PRKCA: variants seen among roughly 807,000 people sequenced by gnomAD.
PRKCA encodes protein kinase C alpha, also known as protein kinase C alpha type.
Under a neutral mutation model 87.0 loss-of-function variants are expected in PRKCA, and 27 were observed. That is an observed-to-expected ratio of 0.31 (90% CI 0.23 to 0.43). The LOEUF (loss-of-function observed/expected upper bound fraction) is 0.43, where lower values mean the gene tolerates loss of function less well. PRKCA is among the 20% of genes least tolerant of loss of function. PRKCA has a pLI of 1.00. For missense variants in PRKCA, 518 were observed against 852.3 expected, an observed-to-expected ratio of 0.61 and a Z score of 4.88; for synonymous variants, 329 against 311.1, an observed-to-expected ratio of 1.06 and a Z score of -0.61.
Position 66,711,057 on chromosome 17 carries a change from AAAAT to A in PRKCA, c.919-21611_919-21608del, listed in dbSNP as rs922998446. On this transcript the variant is annotated intron_variant, in intron 8 of 16. Transcript: ENST00000413366. ...GACTCCATCTCAAAAATAAATAAAT[AAAAT>A]AAATAAATAAATAAATAAAATTTTA... Among the ~76,000 whole-genome samples the A allele has an allele frequency of 8.0e-4, 122 of 151,844 alleles. 1 individual carries two copies. Among genetic ancestry groups the A allele is most frequent in the South Asian group, 1.5e-3 (7 of 4,818 alleles).
intron 8 of PRKCA, among the ~76,000 whole-genome samples, chr17:66,726,576 C>T (rs1263558635): frequency 6.6e-6 from 1 of 152,074 alleles, no homozygotes; most frequent in Non-Finnish European, 1.5e-5. Context: ...TGGGAGCTTG[C>T]GGCAGGCTGG....
intron 3 of PRKCA, among the ~76,000 whole-genome samples, chr17:66,557,211 T>C (rs1325276308): frequency 6.6e-6 from 1 of 152,192 alleles, no homozygotes; most frequent in Non-Finnish European, 1.5e-5. Flanking sequence ...TTATCTACAG[T>C]GTTTCTGATT....
chr17:66,323,011 T>A (rs1905773212), intron 2 of PRKCA, among the ~76,000 whole-genome samples: 1 of 152,238 alleles, frequency 6.6e-6, no homozygotes, highest in African/African-American at 2.4e-5. Context: ...GGCTTCCTCA[T>A]GCTTTTTAGT....
At chr17:66,395,816 A>G (rs1417684048) in intron 2 of PRKCA, among the ~76,000 whole-genome samples, 3 of 152,140 alleles carry the variant, frequency 2.0e-5, no homozygotes, top group Non-Finnish European at 4.4e-5. Context: ...GACGGTGGAG[A>G]GAGATCCTTA....
intron 2 of PRKCA, among the ~76,000 whole-genome samples, chr17:66,489,352 CATATATATATATATAT>C (rs10529618): frequency 0.063 from 6,274 of 98,968 alleles, 265 homozygotes; most frequent in South Asian, 0.11. Flanking sequence ...CTTAGCAGTG[CATATATATATATATAT>C]ATATATATAT....
At chr17:66,372,156 C>A (rs1043193367) in intron 2 of PRKCA, among the ~76,000 whole-genome samples, 1 of 152,150 alleles carries the variant, frequency 6.6e-6, no homozygotes, top group African/African-American at 2.4e-5. Flanking sequence ...CATCTGAGAT[C>A]CTGACTCAGG....
intron 5 of PRKCA, among the ~76,000 whole-genome samples, chr17:66,661,334 C>G (rs1189730704): frequency 6.6e-6 from 1 of 152,106 alleles, no homozygotes; most frequent in Non-Finnish European, 1.5e-5. Flanking sequence ...TTTTCAGGAA[C>G]AAGGAATAGT....
In PRKCA at chr17:66,418,996, G is replaced by C. The variant is rs189306522; in HGVS notation, c.206-77205G>C. Among the ~76,000 whole-genome samples the C allele has an allele frequency of 2.0e-5, 3 of 150,994 alleles. No homozygotes were observed. In the Admixed American group the frequency reaches 2.0e-4, roughly 10 times the overall value. On this transcript the variant is annotated intron_variant, in intron 2 of 16. Transcript: ENST00000413366. ...AGTATGGTCTTGATCTCCTGACCTC[G>C]TGATCGCCCACCTCAGCCTCCCAAA...
chr17:66,495,954 T>A (rs932978508), intron 2 of PRKCA, among the ~76,000 whole-genome samples: 1 of 152,132 alleles, frequency 6.6e-6, no homozygotes, highest in South Asian at 2.1e-4. Flanking sequence ...CTCCCTCAAC[T>A]TCAGAGAGTA....
rs188051230 is a variant in PRKCA at position 66,570,720 on chromosome 17, G to A, written c.289-70635G>A. ...ATATGTAATGTCTTGATATAACTGTGCTCGTCTGGAGCTGTGTATTTAAAT... is the reference window on the plus strand; with the variant it reads ...ATATGTAATGTCTTGATATAACTGTACTCGTCTGGAGCTGTGTATTTAAAT... On this transcript the variant is annotated intron_variant, in intron 3 of 16. Transcript: ENST00000413366. 6.4e-3 allele frequency among the ~76,000 whole-genome samples: 971 copies of A among 152,256 alleles called. 34 individuals are homozygous for A. Among genetic ancestry groups the A allele is most frequent in the Admixed American group, 0.055 (848 of 15,290 alleles).
chr17:66,734,374 G>A (rs1201277129), intron 9 of PRKCA, among the ~76,000 whole-genome samples: 1 of 152,216 alleles, frequency 6.6e-6, no homozygotes, highest in African/African-American at 2.4e-5. Context: ...AGTTTTCTGG[G>A]AAAGGGGTGG....
intron 2 of PRKCA, chr17:66,416,128 C>T (rs1158004256): frequency 6.6e-6 from 1 of 152,188 alleles, no homozygotes; most frequent in Non-Finnish European, 1.5e-5. Flanking sequence ...TAACTAATTC[C>T]AAAGTCTACC....
intron 8 of PRKCA, among the ~76,000 whole-genome samples, chr17:66,723,758 A>G (rs1280821447): frequency 6.6e-6 from 1 of 152,224 alleles, no homozygotes; most frequent in Non-Finnish European, 1.5e-5. Flanking sequence ...AGAGCCCAGC[A>G]TAGTCCAGGG....
At chr17:66,478,324 A>G (rs181912415) in intron 2 of PRKCA, among the ~76,000 whole-genome samples, 9 of 152,254 alleles carry the variant, frequency 5.9e-5, no homozygotes, top group Admixed American at 5.9e-4. Flanking sequence ...GCACAATCGC[A>G]GCTCACCGCA....
chr17:66,311,027 G>A (rs192753915), intron 2 of PRKCA, among the ~76,000 whole-genome samples: 22 of 152,230 alleles, frequency 1.4e-4, no homozygotes, highest in African/African-American at 4.8e-4. Flanking sequence ...CTGGCTGCCC[G>A]CTGGTTTTCA....
intron 2 of PRKCA, among the ~76,000 whole-genome samples, chr17:66,338,136 G>A (rs1460099498): frequency 1.3e-5 from 2 of 151,790 alleles, no homozygotes. Context: ...CTCTTGGGTA[G>A]TGCTTTTAAC....
chr17:66,778,285 G>A (rs61762780), intron 14 of PRKCA: 42 of 881,216 alleles, frequency 4.8e-5, no homozygotes, highest in Middle Eastern at 5.8e-4. Flanking sequence ...AGGCCGAGGC[G>A]GGCGGATCAC....
intron 2 of PRKCA, among the ~76,000 whole-genome samples, chr17:66,428,046 T>G (rs1912906038): frequency 6.6e-6 from 1 of 152,182 alleles, no homozygotes; most frequent in Non-Finnish European, 1.5e-5. Flanking sequence ...GACCCTCATG[T>G]ATAATGGTTT....
At chr17:66,338,948 C>T (rs1240539400) in intron 2 of PRKCA, among the ~76,000 whole-genome samples, 1 of 152,182 alleles carries the variant, frequency 6.6e-6, no homozygotes, top group Non-Finnish European at 1.5e-5. Flanking sequence ...CAGGAACATA[C>T]TTGTGCCCAC....
Sources: allele counts gnomAD v4.1 joint callset (sites outside exome capture counted in the v4.1 genomes callset), GRCh38; gene constraint gnomAD v4.1.1; transcripts MANE v1.5; gene names NCBI Gene and HGNC (gene_info 2026-07-23, HGNC 2026-07-21).